Variants in DMBT1 observed in about 807,000 individuals in gnomAD.
DMBT1 encodes deleted in malignant brain tumors 1.
In DMBT1, 198 loss-of-function variants were observed where a neutral mutation model predicts 252.9. The ratio of observed to expected loss-of-function variants is 0.78; its 90% confidence interval spans 0.70 to 0.88. The LOEUF (loss-of-function observed/expected upper bound fraction) is 0.88. DMBT1 is among the 40% of genes least tolerant of loss of function. The probability of loss-of-function intolerance (pLI) is 0.00; values close to 1 mark genes in which losing one functional copy is unlikely to be tolerated. For missense variants in DMBT1, 2,432 were observed against 2,404.7 expected (o/e 1.01, Z -0.24); for synonymous variants, 990 against 942.7 (o/e 1.05, Z -0.92).
intron 44 of DMBT1, among the ~76,000 whole-genome samples, chr10:122,623,450 A>G (rs566966579): frequency 1.3e-5 from 2 of 152,202 alleles, no homozygotes; most frequent in South Asian, 2.1e-4. Flanking sequence ...TAATAGGGTA[A>G]TTATGTTTAA....
In DMBT1 at chr10:122,592,565, C is replaced by T. The variant is rs1258247740; in HGVS notation, c.2470C>T (p.His824Tyr). 1.9e-6 allele frequency: 3 copies of T among 1,588,318 alleles called. No homozygotes were observed. The highest frequency in any genetic ancestry group is 2.7e-5 in the African/African-American group (2 of 74,562). Reference protein sequence around the residue: ...HNGWLSHNCGHHEDAGVICSV... With the variant: ...HNGWLSHNCGYHEDAGVICSV... The stretch of plus-strand genomic sequence containing the variant: ...TGGCTGGCTCTCCCACAACTGTGGC[C>T]ATCATGAAGATGCTGGTGTCATCTG... Residue 824 changes from histidine to tyrosine, a missense_variant, in exon 20 of 56, where the codon CAT (histidine) becomes TAT (tyrosine). By Grantham distance (83) the His-to-Tyr change is moderately conservative. Around this residue, in one of 3 missense-constraint regions of DMBT1, gnomAD observed 1,264 missense variants for 1,082.2 expected, o/e 1.17. Transcript: ENST00000338354.
Position 122,637,150 on chromosome 10 carries a change from C to T in DMBT1, c.6780C>T (p.His2260=). The change falls in exon 54 of 56, where the codon CAC becomes CAT. Residue 2260 remains histidine (H), a synonymous_variant. Coordinates refer to ENST00000338354, the MANE Select transcript of DMBT1 (RefSeq NM_001377530.1). ...DSTNLLCLPN[H]MQASVSRSYL... is the part of the protein sequence containing the mutation. Reference sequence around the variant, plus strand: ...CAGACCTGCTCTGTCTGCCAAATCACATGCAAGCCAGTGTGAGCAGGAGCT... The same window carrying T: ...CAGACCTGCTCTGTCTGCCAAATCATATGCAAGCCAGTGTGAGCAGGAGCT... The T allele has an allele frequency of 6.2e-7, 1 of 1,613,962 alleles. No homozygotes were observed. Among genetic ancestry groups the T allele is most frequent in the Non-Finnish European group, 8.5e-7 (1 of 1,179,866 alleles).
At chr10:122,640,551 T>G in intron 55 of DMBT1, 102 bp downstream of exon 55, 1 of 1,228,958 alleles carries the variant, frequency 8.1e-7, no homozygotes, top group Non-Finnish European at 1.1e-6. Flanking sequence ...GAACTGCAGT[T>G]CCCAGTACTT....
intron 24 of DMBT1, 35 bp downstream of exon 24, chr10:122,597,089 T>C: frequency 1.1e-5 from 5 of 441,370 alleles, no homozygotes. Context: ...GGATGTCCCT[T>C]CTCTTTCTGT....
At chr10:122,617,371 GGGTTGGGTGGGAGGAAGGT>G (rs2097999955) in intron 40 of DMBT1, 111 bp downstream of exon 40, 1 of 1,332,414 alleles carries the variant, frequency 7.5e-7, no homozygotes, top group African/African-American at 1.5e-5. Context: ...ATGTCCCTGT[GGGTTGGGTGGGAGGAAGGT>G]GGAGTTTCTA....
In DMBT1 at chr10:122,580,901, T is replaced by C. The variant is rs1205913928; in HGVS notation, c.1033+6T>C. 1 of 1,613,580 alleles carries C rather than the reference T, an allele frequency of 6.2e-7. No homozygotes were observed. The highest frequency in any genetic ancestry group is 8.5e-7 in the Non-Finnish European group (1 of 1,179,828). ...CCGGCCGACACCCAGCCCAGGTAGG[T>C]CCCCAGTGTCCTTCCTCAAAATGTC... On this transcript the variant is annotated splice_donor_region_variant and intron_variant, in intron 11 of 55. Coordinates refer to ENST00000338354, the MANE Select transcript of DMBT1 (RefSeq NM_001377530.1).
rs920490351 is a variant in DMBT1, at chr10:122,570,761, C to A, written c.140-129C>A. 7.6e-6 allele frequency: 9 copies of A among 1,177,994 alleles called. No individual in the cohort carries two copies. In the African/African-American group the frequency reaches 1.2e-4, roughly 16 times the overall value. The allele number at this position is 1,177,994 out of a possible 1,614,324, so 73.0% of individuals were successfully genotyped here. ...AACACAGTGATTGGCACATGGTTGG[C>A]TTTTAGCAATGGAGGTTGCCCTTAG... On this transcript the variant is annotated intron_variant, in intron 3 of 55. Transcript: ENST00000338354.
At position 122,567,502 on chromosome 10, in the gene DMBT1, A is replaced by G. The variant is rs369655973; in HGVS notation, c.91+1506A>G. On this transcript the variant is annotated intron_variant, in intron 2 of 55. Transcript: ENST00000338354. The stretch of plus-strand genomic sequence containing the variant: ...GCTGGCCTTTCCTCCCTCTGGGAGG[A>G]AAAGCAACCTGCCCCCTCCCTTTGC... 2.6e-5 allele frequency among the ~76,000 whole-genome samples: 4 copies of G among 152,180 alleles called. No individual in the cohort carries two copies. In the South Asian group the frequency reaches 8.3e-4, roughly 32 times the overall value.
rs752930747 is a variant in DMBT1 at position 122,631,150 on chromosome 10, C to T, written c.6215C>T (p.Ser2072Phe). The T allele has an allele frequency of 1.2e-5, 20 of 1,613,884 alleles. No individual in the cohort carries two copies. In the South Asian group the frequency reaches 1.3e-4, roughly 11 times the overall value. Residue 2072 changes from serine to phenylalanine, a missense_variant, in exon 49 of 56, where the codon TCT (serine) becomes TTT (phenylalanine). Ser to Phe is a radical substitution (Grantham distance 155, BLOSUM62 -2). Around this residue, in one of 3 missense-constraint regions of DMBT1, gnomAD observed 1,162 missense variants for 1,169.0 expected, o/e 0.99. Coordinates refer to ENST00000338354, the MANE Select transcript of DMBT1 (RefSeq NM_001377530.1). ...GCCCTTGGAAATGCATATTTTGGCT[C>T]TGGCTCTGGCCCCATCACCCTGGAC... ...VSALGNAYFG[S>F]GSGPITLDDV...
chr10:122,639,656 C>T (rs778990168), intron 54 of DMBT1, among the ~76,000 whole-genome samples: 1 of 152,300 alleles, frequency 6.6e-6, no homozygotes, highest in Admixed American at 6.5e-5. Flanking sequence ...CAGGCTTGGG[C>T]TCAGAGGCCT....
At chr10:122,637,454 A>G (rs2098236173) in intron 54 of DMBT1, 142 bp downstream of exon 54, 4 of 1,000,276 alleles carry the variant, frequency 4.0e-6, no homozygotes, top group South Asian at 3.6e-5. Context: ...AAGATAAAAA[A>G]CCTTTGGTGC....
chr10:122,630,636 C>T, intron 48 of DMBT1, 146 bp downstream of exon 48: 1 of 961,324 alleles, frequency 1.0e-6, no homozygotes, highest in South Asian at 1.7e-5. Context: ...ACTGTGTGGG[C>T]AGGCCCTTGG....
chr10:122,623,509 G>A (rs146179241), intron 44 of DMBT1, among the ~76,000 whole-genome samples: 133 of 152,292 alleles, frequency 8.7e-4, no homozygotes, highest in Non-Finnish European at 1.4e-3. Flanking sequence ...CACCAAATTT[G>A]CATTCCCCCA....
chr10:122,571,037 G>A, intron 4 of DMBT1, 100 bp downstream of exon 4: 1 of 1,423,794 alleles, frequency 7.0e-7, no homozygotes, highest in Admixed American at 1.7e-5. Context: ...AGAAGGTAGG[G>A]TGCTGGTGTC....
intron 51 of DMBT1, 27 bp from the exon 52 acceptor site, chr10:122,633,164 C>G: frequency 6.2e-7 from 1 of 1,612,086 alleles, no homozygotes; most frequent in African/African-American, 1.3e-5. Flanking sequence ...TGGGGGTCAC[C>G]GACATTCCCA....
At chr10:122,575,450 A>G (rs2097704043) in intron 6 of DMBT1, among the ~76,000 whole-genome samples, 2 of 152,174 alleles carry the variant, frequency 1.3e-5, no homozygotes, top group South Asian at 4.2e-4. Flanking sequence ...ATGGCTCCTC[A>G]GCAGATCCTA....
At chr10:122,634,415 C>T (rs60287897) in intron 52 of DMBT1, among the ~76,000 whole-genome samples, 3,535 of 73,134 alleles carry the variant, frequency 0.048, 83 homozygotes, top group African/African-American at 0.11. Context: ...CTTTCTTTCT[C>T]TCTCTCTCTC....
intron 5 of DMBT1, 119 bp from the exon 6 acceptor site, chr10:122,573,596 T>C: frequency 7.8e-7 from 1 of 1,282,410 alleles, no homozygotes; most frequent in Non-Finnish European, 1.1e-6. Context: ...CTTTTAGCAA[T>C]GGATGGTGCC....
At chr10:122,629,029 T>A (rs138348414) in intron 46 of DMBT1, among the ~76,000 whole-genome samples, 1 of 152,334 alleles carries the variant, frequency 6.6e-6, no homozygotes, top group Non-Finnish European at 1.5e-5. Context: ...TGCACATGTT[T>A]TTAAAAAGTT....
Sources: allele counts gnomAD v4.1 joint callset (sites outside exome capture counted in the v4.1 genomes callset), GRCh38; gene constraint gnomAD v4.1.1; regional missense constraint gnomAD v4.1.1; transcripts MANE v1.5; gene names NCBI Gene and HGNC (gene_info 2026-07-23, HGNC 2026-07-21).